Variants in PKHD1 observed in about 807,000 individuals in gnomAD.
PKHD1 encodes PKHD1 ciliary IPT domain containing fibrocystin/polyductin.
PKHD1 carries 291 observed loss-of-function variants against 412.0 expected under a neutral mutation model. The ratio of observed to expected loss-of-function variants is 0.71; its 90% CI spans 0.64 to 0.78. PKHD1 has a LOEUF of 0.78. Ranked by LOEUF, PKHD1 falls within the 30% of genes least tolerant of loss-of-function variation. The pLI is 0.00. For synonymous variants in PKHD1, 1,777 were observed against 1,821.5 expected, an observed-to-expected ratio of 0.98 and a Z score of 0.62; for missense variants, 4,825 against 4,950.7, an observed-to-expected ratio of 0.97 and a Z score of 0.76.
intron 60 of PKHD1, among the ~76,000 whole-genome samples, chr6:51,705,206 A>G (rs1286549172): frequency 6.6e-6 from 1 of 151,978 alleles, no homozygotes; most frequent in Non-Finnish European, 1.5e-5. Context: ...GAACCAGGAG[A>G]GTGCACTGCC....
In PKHD1 at chr6:51,959,952, A is replaced by G. The variant is rs1396445466; in HGVS notation, c.5826T>C (p.Asp1942=). 3 of 1,613,470 alleles carry G rather than the reference A, an allele frequency of 1.9e-6. No homozygotes were observed. The African/African-American group carries it at 4.0e-5, about 22-fold the overall frequency. The change falls in exon 36 of 67, where the codon GAT becomes GAC. Residue 1942 remains aspartate, a synonymous_variant. Transcript: ENST00000371117. ...CATTCTCCACTGTGACGTTGTCGCCATCTTGTGGCAGCCTTTCAGGAAACC... is the reference window on the plus strand; with the variant it reads ...CATTCTCCACTGTGACGTTGTCGCCGTCTTGTGGCAGCCTTTCAGGAAACC... ...HSWFPERLPQ[D]GDNVTVENGQ...
chr6:51,732,848 A>G (rs1783387746), intron 60 of PKHD1, among the ~76,000 whole-genome samples: 1 of 152,248 alleles, frequency 6.6e-6, no homozygotes, highest in African/African-American at 2.4e-5. Flanking sequence ...TATTCATAGT[A>G]GCATTATTTA....
chr6:51,673,346 C>A (rs1357362181), intron 60 of PKHD1, among the ~76,000 whole-genome samples: 1 of 152,180 alleles, frequency 6.6e-6, no homozygotes, highest in African/African-American at 2.4e-5. Flanking sequence ...TCCAGCTTCC[C>A]CATGCCAACA....
intron 43 of PKHD1, among the ~76,000 whole-genome samples, chr6:51,898,838 C>G (rs1353988185): frequency 6.6e-6 from 1 of 151,622 alleles, no homozygotes; most frequent in Non-Finnish European, 1.5e-5. Context: ...GGGGATATCA[C>G]CACCGATCCC....
chr6:51,847,743 C>T lies in PKHD1; in HGVS notation c.8107+32G>A, dbSNP rs374983189. 1,726 of 1,445,672 alleles carry T rather than the reference C, an allele frequency of 1.2e-3. 2 individuals are homozygous for T. Among genetic ancestry groups the T allele is most frequent in the Middle Eastern group, 2.8e-3 (16 of 5,744 alleles). 89.6% of individuals were successfully genotyped at this position (1,445,672 alleles called of 1,614,324 possible). On this transcript the variant is annotated intron_variant, in intron 50 of 66. Coordinates refer to ENST00000371117, the MANE Select transcript of PKHD1 (RefSeq NM_138694.4). ...GTGATTGGTGATTTCTGACTATGTGCTCTCAAAACATTCATCCAATTGGAT... is the reference window on the plus strand; with the variant it reads ...GTGATTGGTGATTTCTGACTATGTGTTCTCAAAACATTCATCCAATTGGAT...
intron 47 of PKHD1, among the ~76,000 whole-genome samples, chr6:51,868,448 TG>T (rs1183433601): frequency 6.6e-6 from 1 of 151,088 alleles, no homozygotes; most frequent in Admixed American, 6.6e-5. Context: ...CTGTCACAAT[TG>T]GGGAGCTGGC....
intron 60 of PKHD1, among the ~76,000 whole-genome samples, chr6:51,669,736 G>A (rs1438413651): frequency 7.4e-6 from 1 of 135,736 alleles, no homozygotes; most frequent in Non-Finnish European, 1.5e-5. Flanking sequence ...CAGAGATTCT[G>A]GTATGTTGTG....
In PKHD1 at chr6:52,062,885, T is replaced by C. The variant is rs13198604; in HGVS notation, c.977-225A>G. On this transcript the variant is annotated intron_variant, in intron 13 of 66. Transcript: ENST00000371117. The stretch of plus-strand genomic sequence containing the variant: ...CCATGGGTTAGGAGTTAGCCTTTTT[T>C]AGCAAGAGTTCCTAGAAAAGAGAAT... Among the ~76,000 whole-genome samples, 43,072 of 151,486 alleles carry C rather than the reference T, an allele frequency of 0.28. 6,281 individuals are homozygous for C. Among genetic ancestry groups the C allele is most frequent in the East Asian group, 0.43 (2,225 of 5,158 alleles).
chr6:52,006,752 T>C (rs565681675), intron 35 of PKHD1, among the ~76,000 whole-genome samples: 61 of 152,136 alleles, frequency 4.0e-4, no homozygotes, highest in Admixed American at 9.8e-4. Context: ...ATGAGTAAGT[T>C]CTTTAGTGGT....
At chr6:51,913,641 CTAAAG>C (rs1783331004) in intron 37 of PKHD1, among the ~76,000 whole-genome samples, 1 of 152,228 alleles carries the variant, frequency 6.6e-6, no homozygotes, top group Admixed American at 6.5e-5. Flanking sequence ...CCTTGTTGTA[CTAAAG>C]TAAAGTAATA....
At chr6:51,741,293 T>C in intron 60 of PKHD1, 1 of 490,206 alleles carries the variant, frequency 2.0e-6, no homozygotes, top group Non-Finnish European at 4.1e-6. Flanking sequence ...CATGTATTTT[T>C]GGCACTCACC....
At chr6:51,861,082 AGATTAC>A (rs1182573192) in intron 48 of PKHD1, among the ~76,000 whole-genome samples, 1 of 152,070 alleles carries the variant, frequency 6.6e-6, no homozygotes, top group Non-Finnish European at 1.5e-5. Flanking sequence ...CAAAGTGCTG[AGATTAC>A]AGGCGTGAGC....
At chr6:51,726,730 A>T (rs1782616920) in intron 60 of PKHD1, among the ~76,000 whole-genome samples, 1 of 152,222 alleles carries the variant, frequency 6.6e-6, no homozygotes, top group South Asian at 2.1e-4. Context: ...CTTGAAAGAG[A>T]AAAAATCTTG....
In PKHD1 at chr6:52,028,240, C is replaced by A. The variant is rs199873951; in HGVS notation, c.3476G>T (p.Gly1159Val). Reference sequence around the variant, plus strand: ...CAGTGGGGGCAGTGCCACCTCCAGGCCCCAAGCCGACTGTGTGTGAACCGG... The same window carrying A: ...CAGTGGGGGCAGTGCCACCTCCAGGACCCAAGCCGACTGTGTGTGAACCGG... ...LAPVHTQSAW[G>V]LEVALPPLPA... The change falls in exon 30 of 67, where the codon GGC becomes GTC. Residue 1159 changes from glycine to valine, a missense_variant. Transcript: ENST00000371117. 1 of 1,614,162 alleles carries A rather than the reference C, an allele frequency of 6.2e-7. No homozygotes were observed. Among genetic ancestry groups the A allele is most frequent in the Non-Finnish European group, 8.5e-7 (1 of 1,180,020 alleles).
At chr6:51,839,070 T>A (rs1265582835) in intron 50 of PKHD1, among the ~76,000 whole-genome samples, 1 of 152,218 alleles carries the variant, frequency 6.6e-6, no homozygotes, top group Non-Finnish European at 1.5e-5. Flanking sequence ...CTAATCATGA[T>A]GAGCTGTAGT....
intron 63 of PKHD1, among the ~76,000 whole-genome samples, chr6:51,646,450 T>C (rs1770098678): frequency 6.6e-6 from 1 of 152,126 alleles, no homozygotes; most frequent in South Asian, 2.1e-4. Flanking sequence ...TGGGTTATGT[T>C]GGAGGGAGGC....
At chr6:52,078,938 A>C (rs1393817804) in intron 5 of PKHD1, among the ~76,000 whole-genome samples, 1 of 152,248 alleles carries the variant, frequency 6.6e-6, no homozygotes, top group Non-Finnish European at 1.5e-5. Flanking sequence ...AACCTGAAAC[A>C]ACAGCAAATT....
At position 51,909,200 on chromosome 6, in the gene PKHD1, T is replaced by C. The variant is rs188732048; in HGVS notation, c.6682+83A>G. On this transcript the variant is annotated intron_variant, in intron 40 of 66. Coordinates refer to ENST00000371117, the MANE Select transcript of PKHD1 (RefSeq NM_138694.4). ...CTCTAAATCCCTCAAATCCCACATA[T>C]CATCTATCATTCCACCATGCATGTA... is the stretch of plus-strand genomic sequence containing the variant. 48 of 1,039,284 alleles carry C rather than the reference T, an allele frequency of 4.6e-5. 2 individuals carry two copies. In the East Asian group the frequency reaches 1.1e-3, roughly 23 times the overall value. The allele number at this position is 1,039,284 out of a possible 1,614,324, so 64.4% of individuals were successfully genotyped here.
At chr6:51,967,502 A>T (rs1792992511) in intron 35 of PKHD1, among the ~76,000 whole-genome samples, 1 of 152,222 alleles carries the variant, frequency 6.6e-6, no homozygotes. Flanking sequence ...CTGAGACTTG[A>T]GGGACTGCAA....
Sources: allele counts gnomAD v4.1 joint callset (sites outside exome capture counted in the v4.1 genomes callset), GRCh38; gene constraint gnomAD v4.1.1; transcripts MANE v1.5; gene names NCBI Gene and HGNC (gene_info 2026-07-23, HGNC 2026-07-21).